Variants in TMEM132C observed in about 807,000 individuals in gnomAD.
The protein encoded by TMEM132C is transmembrane protein 132C, also known as protein phosphatase 1, regulatory subunit 152.
In TMEM132C, 29 loss-of-function variants were observed where a neutral mutation model predicts 61.4. The ratio of observed to expected loss-of-function variants is 0.47; its 90% CI spans 0.35 to 0.64. The LOEUF is 0.64. Ranked by LOEUF, TMEM132C falls within the 30% of genes least tolerant of loss-of-function variation. TMEM132C has a pLI of 0.00. For synonymous variants in TMEM132C, 656 were observed against 633.1 expected, an observed-to-expected ratio of 1.04 and a Z score of -0.54; for missense variants, 1,408 against 1,476.9, an observed-to-expected ratio of 0.95 and a Z score of 0.76.
rs75895900 is a variant in TMEM132C, at chr12:128,322,106, C to G, written c.85+54619C>G. Among the ~76,000 whole-genome samples the G allele has an allele frequency of 4.2e-3, 645 of 152,360 alleles. 7 individuals are homozygous for G. Among genetic ancestry groups the G allele is most frequent in the African/African-American group, 0.015 (610 of 41,586 alleles). ...GAACCTGAGATGTTTTGTGACTTATCTGATGAATCAAATTTGCTGGGTATA... is the reference window on the plus strand; with the variant it reads ...GAACCTGAGATGTTTTGTGACTTATGTGATGAATCAAATTTGCTGGGTATA... On this transcript the variant is annotated intron_variant, in intron 1 of 8. Transcript: ENST00000435159.
intron 5 of TMEM132C, among the ~76,000 whole-genome samples, chr12:128,690,296 AC>A (rs1954710101): frequency 6.6e-6 from 1 of 152,220 alleles, no homozygotes; most frequent in East Asian, 1.9e-4. Context: ...AAGCCGAGGG[AC>A]TAAAAAGACT....
At chr12:128,647,208 T>TGTGA (rs772443355) in intron 4 of TMEM132C, among the ~76,000 whole-genome samples, 50 of 139,984 alleles carry the variant, frequency 3.6e-4, no homozygotes, top group African/African-American at 5.6e-4. Flanking sequence ...CAGCGTTGGA[T>TGTGA]GTGTGTTTAC....
At chr12:128,345,065 C>T (rs1483610622) in intron 1 of TMEM132C, among the ~76,000 whole-genome samples, 2 of 151,976 alleles carry the variant, frequency 1.3e-5, no homozygotes, top group Non-Finnish European at 2.9e-5. Context: ...CTCCTCCCCG[C>T]CCACCACCCT....
chr12:128,552,864 C>T (rs1482790144), intron 3 of TMEM132C, among the ~76,000 whole-genome samples: 1 of 152,118 alleles, frequency 6.6e-6, no homozygotes, highest in Non-Finnish European at 1.5e-5. Context: ...GCCAAGATCA[C>T]ACCAGTACAC....
rs186216214 is a variant in TMEM132C, at chr12:128,343,773, T to C, written c.86-70959T>C. 7.9e-5 allele frequency among the ~76,000 whole-genome samples: 12 copies of C among 152,302 alleles called. 1 individual carries two copies. The highest frequency in any genetic ancestry group is 2.4e-4 in the African/African-American group (10 of 41,560). On this transcript the variant is annotated intron_variant, in intron 1 of 8. Transcript: ENST00000435159. ...CAGTCACTCCACAGACCTGATTTCCTCACCCTGGTCACCATTATCCAATTT... is the reference window on the plus strand; with the variant it reads ...CAGTCACTCCACAGACCTGATTTCCCCACCCTGGTCACCATTATCCAATTT...
At chr12:128,342,075 C>T (rs1025850930) in intron 1 of TMEM132C, among the ~76,000 whole-genome samples, 4 of 151,560 alleles carry the variant, frequency 2.6e-5, no homozygotes, top group Non-Finnish European at 4.4e-5. Flanking sequence ...GTGGCATGAT[C>T]TCAGCTCACT....
At chr12:128,662,439 A>C (rs565358516) in intron 4 of TMEM132C, among the ~76,000 whole-genome samples, 1 of 152,346 alleles carries the variant, frequency 6.6e-6, no homozygotes, top group East Asian at 1.9e-4. Context: ...TGCTTGGAGC[A>C]TTTAAATAAT....
intron 2 of TMEM132C, among the ~76,000 whole-genome samples, chr12:128,470,370 T>C (rs918346319): frequency 2.0e-5 from 3 of 152,186 alleles, no homozygotes; most frequent in Admixed American, 6.5e-5. Flanking sequence ...TGTGGCTGAG[T>C]TGACTTCCCT....
chr12:128,282,606 T>C (rs1265868291), intron 1 of TMEM132C, among the ~76,000 whole-genome samples: 1 of 152,216 alleles, frequency 6.6e-6, no homozygotes, highest in Non-Finnish European at 1.5e-5. Flanking sequence ...ATTACAGCAG[T>C]TCCAGATGAG....
intron 5 of TMEM132C, among the ~76,000 whole-genome samples, chr12:128,675,204 G>C (rs924089074): frequency 6.6e-6 from 1 of 152,054 alleles, no homozygotes; most frequent in African/African-American, 2.4e-5. Context: ...TAAGGAAAAA[G>C]CAGATGAAGA....
At chr12:128,684,807 G>A (rs1265122161) in intron 5 of TMEM132C, among the ~76,000 whole-genome samples, 1 of 152,174 alleles carries the variant, frequency 6.6e-6, no homozygotes, top group African/African-American at 2.4e-5. Context: ...CTCTTCCAGT[G>A]ATGTCAAAGA....
chr12:128,290,207 G>T (rs1871207296), intron 1 of TMEM132C, among the ~76,000 whole-genome samples: 1 of 152,106 alleles, frequency 6.6e-6, no homozygotes, highest in Non-Finnish European at 1.5e-5. Context: ...CCTGAGACTG[G>T]GTATTTTATA....
chr12:128,597,488 GGAAGGAAA>G (rs1293324974), intron 3 of TMEM132C, among the ~76,000 whole-genome samples: 1 of 92,300 alleles, frequency 1.1e-5, no homozygotes, highest in East Asian at 3.2e-4. Context: ...AAGGAAGGAA[GGAAGGAAA>G]GAAGGAAGGA....
chr12:128,434,977 T>C (rs1869531396), intron 2 of TMEM132C, among the ~76,000 whole-genome samples: 1 of 152,158 alleles, frequency 6.6e-6, no homozygotes, highest in Non-Finnish European at 1.5e-5. Context: ...ATTGTGTCTC[T>C]CAAAATTCAT....
At chr12:128,645,724 C>G (rs1370077001) in intron 4 of TMEM132C, among the ~76,000 whole-genome samples, 1 of 152,246 alleles carries the variant, frequency 6.6e-6, no homozygotes, top group Non-Finnish European at 1.5e-5. Context: ...AGTCCATCAG[C>G]GTTGGATGGG....
chr12:128,583,411 T>G (rs1875421347), intron 3 of TMEM132C, among the ~76,000 whole-genome samples: 1 of 151,472 alleles, frequency 6.6e-6, no homozygotes, highest in African/African-American at 2.4e-5. Context: ...AAAAAAGCTT[T>G]ACAAAAAAGA....
intron 2 of TMEM132C, among the ~76,000 whole-genome samples, chr12:128,457,896 C>T (rs926628328): frequency 1.6e-4 from 24 of 152,110 alleles, no homozygotes; most frequent in African/African-American, 5.3e-4. Context: ...CTAAGTTCAA[C>T]GAATGTGGAC....
intron 3 of TMEM132C, among the ~76,000 whole-genome samples, chr12:128,546,926 C>T (rs1873971013): frequency 6.6e-6 from 1 of 152,192 alleles, no homozygotes; most frequent in South Asian, 2.1e-4. Flanking sequence ...TACAGCATGG[C>T]CTCTGTCATG....
At chr12:128,596,823 C>G (rs1875972391) in intron 3 of TMEM132C, among the ~76,000 whole-genome samples, 1 of 152,258 alleles carries the variant, frequency 6.6e-6, no homozygotes, top group African/African-American at 2.4e-5. Context: ...CAGGGCTCTT[C>G]CCACTGAAGA....
Sources: gnomAD v4.1 joint callset for allele counts (sites outside exome capture counted in the v4.1 genomes callset) on GRCh38, gnomAD v4.1.1 for gene constraint, MANE v1.5 for transcripts, NCBI Gene and HGNC (gene_info 2026-07-23, HGNC 2026-07-21) for gene names.